Variants in PLD1 observed in about 807,000 individuals in gnomAD.
The protein encoded by PLD1 is choline phosphatase 1.
A neutral mutation model predicts 137.1 loss-of-function variants in PLD1; 112 were observed. The ratio of observed to expected loss-of-function variants is 0.82; its 90% CI spans 0.70 to 0.96. The LOEUF (loss-of-function observed/expected upper bound fraction) is 0.96. PLD1 is among the 40% of genes least tolerant of loss of function. PLD1 has a pLI of 0.00. For synonymous variants in PLD1, 431 were observed against 454.7 expected (o/e 0.95, Z 0.66); for missense variants, 1,321 against 1,342.0 (o/e 0.98, Z 0.24).
At chr3:171,725,821 G>A (rs1164519890) in intron 7 of PLD1, among the ~76,000 whole-genome samples, 197 bp downstream of exon 7, 2 of 152,242 alleles carry the variant, frequency 1.3e-5, no homozygotes, top group Non-Finnish European at 2.9e-5. Context: ...CAAAGACAGT[G>A]GAGCAGTTGC....
intron 12 of PLD1, among the ~76,000 whole-genome samples, chr3:171,699,176 CT>C (rs1314285096): frequency 1.3e-5 from 2 of 152,100 alleles, no homozygotes; most frequent in East Asian, 3.8e-4. Context: ...CAGTTATTTA[CT>C]TTTTATACCT....
chr3:171,653,970 C>A, intron 21 of PLD1: 1 of 261,282 alleles, frequency 3.8e-6, no homozygotes. Flanking sequence ...CCAATAATTT[C>A]AGATTTCCCA....
chr3:171,761,693 A>G (rs1288064174), intron 1 of PLD1, among the ~76,000 whole-genome samples: 1 of 152,202 alleles, frequency 6.6e-6, no homozygotes, highest in Non-Finnish European at 1.5e-5. Context: ...GCACGTGGTA[A>G]GTCCTGAGAC....
intron 1 of PLD1, among the ~76,000 whole-genome samples, chr3:171,807,061 C>G (rs982429617): frequency 6.6e-6 from 1 of 152,172 alleles, no homozygotes; most frequent in Non-Finnish European, 1.5e-5. Context: ...TAATCCAGCA[C>G]TTTGGGAAGC....
intron 16 of PLD1, among the ~76,000 whole-genome samples, chr3:171,679,972 T>C (rs1451204492): frequency 6.6e-6 from 1 of 152,196 alleles, no homozygotes; most frequent in Non-Finnish European, 1.5e-5. Flanking sequence ...CCTTGTCTTT[T>C]GGCACAGATT....
At chr3:171,624,982 T>G (rs1733958085) in intron 23 of PLD1, among the ~76,000 whole-genome samples, 1 of 152,110 alleles carries the variant, frequency 6.6e-6, no homozygotes, top group Admixed American at 6.5e-5. Context: ...GGAATGGCAT[T>G]TATTTAAATA....
At chr3:171,797,404 G>A (rs1432953086) in intron 1 of PLD1, among the ~76,000 whole-genome samples, 1 of 152,162 alleles carries the variant, frequency 6.6e-6, no homozygotes, top group African/African-American at 2.4e-5. Flanking sequence ...CCCCAAACCA[G>A]CAGCATCAGC....
At chr3:171,694,063 G>T (rs1715458082) in intron 12 of PLD1, among the ~76,000 whole-genome samples, 1 of 151,908 alleles carries the variant, frequency 6.6e-6, no homozygotes, top group Non-Finnish European at 1.5e-5. Context: ...AGCACGTTTT[G>T]GACCCTAAAT....
At chr3:171,725,440 A>G (rs1718431309) in intron 7 of PLD1, among the ~76,000 whole-genome samples, 1 of 152,232 alleles carries the variant, frequency 6.6e-6, no homozygotes, top group African/African-American at 2.4e-5. Flanking sequence ...TTTTGAAAAC[A>G]GTATATCTTA....
At chr3:171,753,847 A>T (rs1720834351) in intron 1 of PLD1, among the ~76,000 whole-genome samples, 1 of 152,086 alleles carries the variant, frequency 6.6e-6, no homozygotes, top group African/African-American at 2.4e-5. Context: ...TCTCCCTGTG[A>T]TTCATAGTTG....
chr3:171,674,174 CAT>C (rs1391627195), intron 19 of PLD1, among the ~76,000 whole-genome samples: 1 of 152,246 alleles, frequency 6.6e-6, no homozygotes, highest in African/African-American at 2.4e-5. Flanking sequence ...GTTTCAGCCA[CAT>C]TCCTGGTGCT....
intron 8 of PLD1, among the ~76,000 whole-genome samples, chr3:171,724,404 CGTT>C (rs142270976): frequency 0.011 from 1,689 of 152,180 alleles, 38 homozygotes; most frequent in African/African-American, 0.039. Context: ...TGACTAATAA[CGTT>C]GAGCATCTTT....
intron 1 of PLD1, among the ~76,000 whole-genome samples, chr3:171,796,146 G>A (rs900643135): frequency 2.6e-5 from 4 of 152,152 alleles, no homozygotes; most frequent in Non-Finnish European, 5.9e-5. Flanking sequence ...AAGTATTTAC[G>A]ATGAGTGCAG....
intron 21 of PLD1, among the ~76,000 whole-genome samples, chr3:171,655,067 T>C (rs1178805929): frequency 6.6e-6 from 1 of 152,146 alleles, no homozygotes; most frequent in Non-Finnish European, 1.5e-5. Context: ...TTCTCCAGGG[T>C]AGGAGGGACC....
chr3:171,634,196 A>T (rs1169633340), intron 23 of PLD1, among the ~76,000 whole-genome samples: 1 of 152,190 alleles, frequency 6.6e-6, no homozygotes, highest in African/African-American at 2.4e-5. Flanking sequence ...ATCTTTTCAT[A>T]AACAGGCTTA....
intron 23 of PLD1, among the ~76,000 whole-genome samples, chr3:171,625,139 C>T (rs897620918): frequency 2.0e-5 from 3 of 152,116 alleles, no homozygotes; most frequent in Non-Finnish European, 4.4e-5. Flanking sequence ...AAAATCGGGT[C>T]ACTCCCACCC....
At chr3:171,614,334 A>G (rs989619605) in intron 24 of PLD1, among the ~76,000 whole-genome samples, 1 of 152,204 alleles carries the variant, frequency 6.6e-6, no homozygotes, top group African/African-American at 2.4e-5. Flanking sequence ...TTGCAGCTAT[A>G]TCTTTGAGCT....
At chr3:171,713,854 T>A in intron 9 of PLD1, 39 bp downstream of exon 9, 1 of 1,554,894 alleles carries the variant, frequency 6.4e-7, no homozygotes, top group Non-Finnish European at 8.8e-7. Flanking sequence ...TTTTAAGGCA[T>A]TTTTGTAGAA....
intron 1 of PLD1, among the ~76,000 whole-genome samples, chr3:171,779,301 C>T (rs1177692191): frequency 1.3e-5 from 2 of 152,190 alleles, no homozygotes; most frequent in Admixed American, 1.3e-4. Flanking sequence ...GTAGTCAGAT[C>T]TAGGATCTAC....
Sources: gnomAD v4.1 joint callset for allele counts (sites outside exome capture counted in the v4.1 genomes callset) on GRCh38, gnomAD v4.1.1 for gene constraint, MANE v1.5 for transcripts, NCBI Gene and HGNC (gene_info 2026-07-23, HGNC 2026-07-21) for gene names.